Variants in ZNF687 observed in about 807,000 individuals in gnomAD.
ZNF687 encodes zinc finger protein 687.
Under a neutral mutation model 71.8 loss-of-function variants are expected in ZNF687, and 13 were observed. That is an observed-to-expected ratio of 0.18 (90% CI 0.12 to 0.29). ZNF687 has a LOEUF of 0.29. ZNF687 is among the 10% of genes least tolerant of loss of function. ZNF687 has a pLI of 1.00. For synonymous variants in ZNF687, 673 were observed against 641.6 expected (o/e 1.05, Z -0.74); for missense variants, 1,412 against 1,625.6 (o/e 0.87, Z 2.26).
chr1:151,283,007 T>C (rs1273123558), intron 1 of ZNF687: 12 of 580,416 alleles, frequency 2.1e-5, no homozygotes, highest in Non-Finnish European at 2.4e-5. Context: ...TCTTTCCAGC[T>C]CCCCACCCTA....
At position 151,290,749 on chromosome 1, in the gene ZNF687, C is replaced by T; in HGVS notation, c.3254C>T (p.Ser1085Phe). ...CGGAAACGCCGCCAGTCTTCTGACT[C>T]TTGCAGTGAGGAGCCTGACAGCACG... ...PGRKRRQSSD[S>F]CSEEPDSTTP... The change falls in exon 9 of 9, where the codon TCT (serine) becomes TTT (phenylalanine). Residue 1085 changes from serine to phenylalanine, a missense_variant. This residue lies in a region of ZNF687 where 284 missense variants were observed against 359.2 expected (regional missense o/e 0.79). Coordinates refer to ENST00000336715, the MANE Select transcript of ZNF687 (RefSeq NM_020832.3). 1 of 1,612,066 alleles carries T rather than the reference C, an allele frequency of 6.2e-7. No individual in the cohort carries two copies. Among genetic ancestry groups the T allele is most frequent in the Non-Finnish European group, 8.5e-7 (1 of 1,179,090 alleles).
chr1:151,288,499 C>T (rs370520783), intron 2 of ZNF687, 29 bp from the exon 3 acceptor site: 25 of 1,582,234 alleles, frequency 1.6e-5, no homozygotes, highest in Middle Eastern at 1.7e-4. Flanking sequence ...CACTCCTCAC[C>T]GACTTTCCTT....
At position 151,286,824 on chromosome 1, in the gene ZNF687, C is replaced by A. The variant is rs1246653797; in HGVS notation, c.533C>A (p.Pro178His). ...CCAGGGGACCACTCAGATCCGCTGC[C>A]TCCCTCTGCACCCTCTCCCACTCGG... The part of the protein sequence containing the change: ...PEPGDHSDPL[P>H]PSAPSPTREG... The change falls in exon 2 of 9, where the codon CCT becomes CAT. Residue 178 changes from proline to histidine, a missense_variant. Physicochemically the swap from Pro to His is moderately conservative, Grantham distance 77. Around this residue, in one of 8 missense-constraint regions of ZNF687, gnomAD observed 490 missense variants for 489.9 expected, o/e 1.00. Transcript: ENST00000336715. The A allele has an allele frequency of 6.2e-7, 1 of 1,614,104 alleles. No individual in the cohort carries two copies. The highest frequency in any genetic ancestry group is 1.3e-5 in the African/African-American group (1 of 74,940).
At chr1:151,282,274 T>C (rs1196426832), upstream of ZNF687, 51 of 1,002,674 alleles carry the variant, frequency 5.1e-5, no homozygotes, top group East Asian at 1.1e-4. Context: ...GGAGAGGGAG[T>C]GGGGAGGCCG....
At position 151,287,003 on chromosome 1, in the gene ZNF687, G is replaced by A; in HGVS notation, c.712G>A (p.Gly238Ser). ...TCATCCCCAGGTCCTAGCCCAACAA[G>A]GCTCAGGCTCCAGCCCTAAGGCCAC... ...PHHPQVLAQQ[G>S]SGSSPKATDI... The change falls in exon 2 of 9, where the codon GGC becomes AGC. Residue 238 changes from glycine to serine, a missense_variant. Gly to Ser is a moderately conservative substitution (Grantham distance 56). Coordinates refer to ENST00000336715, the MANE Select transcript of ZNF687 (RefSeq NM_020832.3). The surrounding 1 kb of genome is among the most constrained non-coding windows in gnomAD (Gnocchi z 5.0). 1.9e-6 allele frequency: 3 copies of A among 1,601,872 alleles called. No individual in the cohort carries two copies. The highest frequency in any genetic ancestry group is 8.5e-7 in the Non-Finnish European group (1 of 1,172,248).
chr1:151,282,498 C>T (rs1693756898), intron 1 of ZNF687, 103 bp downstream of exon 1: 2 of 863,612 alleles, frequency 2.3e-6, no homozygotes, highest in South Asian at 5.1e-5. Flanking sequence ...CCCCCTTCTC[C>T]GCGCCGCCCC....
Position 151,289,785 on chromosome 1 carries a change from G to T in ZNF687, c.2742G>T (p.Gly914=). Residue 914 remains glycine, a synonymous_variant, in exon 6 of 9, where the codon GGG becomes GGT. Transcript: ENST00000336715. Reference sequence around the variant, plus strand: ...AGGAGCTGGCTGTTTCTCAGGGAGGGGCAGCCCCTGCTACTGAGGAGTCGT... The same window carrying T: ...AGGAGCTGGCTGTTTCTCAGGGAGGTGCAGCCCCTGCTACTGAGGAGTCGT... ...EPEELAVSQG[G]AAPATEESSS... 6.4e-7 allele frequency: 1 copy of T among 1,562,970 alleles called. No individual in the cohort carries two copies. Among genetic ancestry groups the T allele is most frequent in the Non-Finnish European group, 8.7e-7 (1 of 1,153,120 alleles).
Position 151,287,603 on chromosome 1 carries a change from G to A in ZNF687, c.1312G>A (p.Ala438Thr). 6.2e-7 allele frequency: 1 copy of A among 1,613,724 alleles called. No individual in the cohort carries two copies. The highest frequency in any genetic ancestry group is 2.2e-5 in the East Asian group (1 of 44,858). ...GGTATSPKMI[A>T]KNVLGLVPQA... ...GACTGCCACCAGCCCTAAGATGATT[G>A]CTAAGAACGTGCTAGGCCTGGTGCC... The change falls in exon 2 of 9, where the codon GCT (alanine) becomes ACT (threonine). Residue 438 changes from alanine to threonine, a missense_variant. By Grantham distance (58) the Ala-to-Thr change is moderately conservative. This residue lies in a region of ZNF687 where 133 missense variants were observed against 155.1 expected (regional missense o/e 0.86). Transcript: ENST00000336715. The surrounding 1 kb of genome is among the most constrained non-coding windows in gnomAD (Gnocchi z 5.0).
At chr1:151,283,288 T>A in intron 1 of ZNF687, 1 of 985,270 alleles carries the variant, frequency 1.0e-6, no homozygotes, top group Non-Finnish European at 1.2e-6. Flanking sequence ...CTCGCCCTCC[T>A]CTGCGCTGCA....
rs1313403877 is a variant in ZNF687 at position 151,291,302 on chromosome 1, A to G, written c.*93A>G. 25 of 1,457,192 alleles carry G rather than the reference A, an allele frequency of 1.7e-5. No individual in the cohort carries two copies. The highest frequency in any genetic ancestry group is 2.2e-5 in the Non-Finnish European group (24 of 1,093,122). The allele number at this position is 1,457,192 out of a possible 1,614,324, so 90.3% of individuals were successfully genotyped here. A position where few individuals can be genotyped will look rare whatever the true frequency, so the allele number is the denominator to read the frequency against. On this transcript the variant is annotated 3_prime_UTR_variant, in exon 9 of 9. Coordinates refer to ENST00000336715, the MANE Select transcript of ZNF687 (RefSeq NM_020832.3). ...CCTCGGCTGGGGAGTTTTCATTAAC[A>G]TTAATATTTTGTTAATTCCTGTCTC...
rs1480676957 is a variant in ZNF687, at chr1:151,290,022, A to G, written c.2964+15A>G. 2 of 1,593,770 alleles carry G rather than the reference A, an allele frequency of 1.3e-6. No individual in the cohort carries two copies. Among genetic ancestry groups the G allele is most frequent in the African/African-American group, 1.3e-5 (1 of 74,440 alleles). On this transcript the variant is annotated intron_variant, in intron 6 of 8. Transcript: ENST00000336715. ...AGCATGGCAAGGTGAGTGGGCCCCA[A>G]GGGGAGTACCATGGGCTGGGGGCAG...
intron 4 of ZNF687, 47 bp downstream of exon 4, chr1:151,289,318 G>A (rs1261639875): frequency 4.3e-6 from 7 of 1,612,760 alleles, no homozygotes; most frequent in Non-Finnish European, 5.9e-6. Flanking sequence ...GGCTGGTGGG[G>A]CGCAGGAGGG....
chr1:151,286,818 C>CT lies in ZNF687; in HGVS notation c.527_528insT (p.Leu177AlafsTer24). 6.2e-7 allele frequency: 1 copy of CT among 1,614,226 alleles called. No homozygotes were observed. The highest frequency in any genetic ancestry group is 8.5e-7 in the Non-Finnish European group (1 of 1,180,032). ...CCTGAGCCAGGGGACCACTCAGATC[C>CT]GCTGCCTCCCTCTGCACCCTCTCCC... On this transcript the variant is annotated frameshift_variant, in exon 2 of 9. Coordinates refer to ENST00000336715, the MANE Select transcript of ZNF687 (RefSeq NM_020832.3). LOFTEE classifies it high-confidence loss of function.
In ZNF687 at chr1:151,291,014, G is replaced by C. The variant is rs1694219554; in HGVS notation, c.3519G>C (p.Gly1173=). Reference sequence around the variant, plus strand: ...GTAAAGCCAGTGCCCTGGGGCTGGGGGATGGGGAGGAAGAGGCCCCTCCAT... The same window carrying C: ...GTAAAGCCAGTGCCCTGGGGCTGGGCGATGGGGAGGAAGAGGCCCCTCCAT... ...GVGKASALGL[G]DGEEEAPPSR... The change falls in exon 9 of 9, where the codon GGG becomes GGC. Residue 1173 remains glycine (G), a synonymous_variant. Transcript: ENST00000336715. 3 of 1,613,994 alleles carry C rather than the reference G, an allele frequency of 1.9e-6. No homozygotes were observed. In the East Asian group the frequency reaches 6.7e-5, roughly 36 times the overall value.
Position 151,287,470 on chromosome 1 carries a change from T to A in ZNF687, c.1179T>A (p.Gly393=). The A allele has an allele frequency of 6.2e-7, 1 of 1,614,108 alleles. No individual in the cohort carries two copies. Residue 393 remains glycine (G), a synonymous_variant, in exon 2 of 9, where the codon GGT becomes GGA. Transcript: ENST00000336715. This position sits in a 1 kb window ranked among gnomAD's most constrained non-coding sequence, Gnocchi z 5.0. ...PKVVSVQLGD[G]TRLKGTVLPV... ...TGGTGAGCGTACAGTTGGGTGATGG[T>A]ACAAGGCTGAAAGGCACTGTGCTGC...
At chr1:151,289,582 T>C in intron 5 of ZNF687, 42 bp downstream of exon 5, 1 of 1,613,086 alleles carries the variant, frequency 6.2e-7, no homozygotes, top group South Asian at 1.1e-5. Context: ...TTAGCTGTAC[T>C]GACCTGGGGC....
chr1:151,285,004 T>C (rs1218103439), intron 1 of ZNF687, among the ~76,000 whole-genome samples: 2 of 151,960 alleles, frequency 1.3e-5, no homozygotes, highest in Non-Finnish European at 2.9e-5. Flanking sequence ...AGGGTGGTCT[T>C]GAACTCCTGG....
rs747474437 is a variant in ZNF687 at position 151,287,446 on chromosome 1, G to A, written c.1155G>A (p.Val385=). ...PATPTSEGPK[V]VSVQLGDGTR... ...CACCTACTTCTGAGGGTCCAAAGGT[G>A]GTGAGCGTACAGTTGGGTGATGGTA... The change falls in exon 2 of 9, where the codon GTG becomes GTA. Residue 385 remains valine (V), a synonymous_variant. Coordinates refer to ENST00000336715, the MANE Select transcript of ZNF687 (RefSeq NM_020832.3). This position sits in a 1 kb window ranked among gnomAD's most constrained non-coding sequence, Gnocchi z 5.0. The A allele has an allele frequency of 1.9e-6, 3 of 1,614,196 alleles. No homozygotes were observed. In the Admixed American group the frequency reaches 5.0e-5, roughly 27 times the overall value.
At position 151,282,304 on chromosome 1, in the gene ZNF687, G is replaced by A; in HGVS notation, c.-109G>A. On this transcript the variant is annotated 5_prime_UTR_variant, in exon 1 of 9. Transcript: ENST00000336715. ...AGGCCGAACCGGAGAGAAGCAGGAA[G>A]TAGCGGCGGCCGCGGGGAGGGCGGC... 12 of 1,001,590 alleles carry A rather than the reference G, an allele frequency of 1.2e-5. No individual in the cohort carries two copies. The highest frequency in any genetic ancestry group is 1.4e-5 in the Non-Finnish European group (12 of 837,388). 62.0% of individuals were successfully genotyped at this position (1,001,590 alleles called of 1,614,324 possible). A position where few individuals can be genotyped will look rare whatever the true frequency, so the allele number is the denominator to read the frequency against.
Sources: allele counts gnomAD v4.1 joint callset (sites outside exome capture counted in the v4.1 genomes callset), GRCh38; gene constraint gnomAD v4.1.1; regional missense constraint gnomAD v4.1.1; non-coding constraint Gnocchi (gnomAD v3.1); transcripts MANE v1.5; gene names NCBI Gene and HGNC (gene_info 2026-07-23, HGNC 2026-07-21).